The following SLIT2 variants were observed in gnomAD, a reference collection of about 807,000 sequenced individuals.
SLIT2 encodes the protein slit guidance ligand 2, also known as slit homolog 2 protein.
SLIT2 carries 41 observed loss-of-function variants against 185.7 expected under a neutral mutation model. The ratio of observed to expected loss-of-function variants is 0.22; its 90% confidence interval spans 0.17 to 0.29. The LOEUF (loss-of-function observed/expected upper bound fraction) is 0.29, where lower values mean the gene tolerates loss of function less well. SLIT2 is among the 10% of genes least tolerant of loss of function. The pLI is 1.00. For missense variants in SLIT2, 1,571 were observed against 1,909.0 expected (o/e 0.82, Z 3.30); for synonymous variants, 693 against 680.2 (o/e 1.02, Z -0.29).
chr4:20,361,653 T>A (rs531338072), intron 4 of SLIT2, among the ~76,000 whole-genome samples: 1 of 152,312 alleles, frequency 6.6e-6, no homozygotes, highest in South Asian at 2.1e-4. Context: ...ACTTTATACA[T>A]ATTGTTATAA....
intron 4 of SLIT2, among the ~76,000 whole-genome samples, chr4:20,454,313 T>C (rs952569510): frequency 6.6e-6 from 1 of 152,194 alleles, no homozygotes; most frequent in Non-Finnish European, 1.5e-5. Context: ...ATACTGTTAT[T>C]AGGATCTTCA....
At chr4:20,314,688 T>C (rs1718412329) in intron 4 of SLIT2, among the ~76,000 whole-genome samples, 1 of 152,142 alleles carries the variant, frequency 6.6e-6, no homozygotes, top group South Asian at 2.1e-4. Context: ...TTAGTTGTTT[T>C]TCATATGAAA....
intron 4 of SLIT2, among the ~76,000 whole-genome samples, chr4:20,428,393 T>C (rs1728715102): frequency 6.6e-6 from 1 of 152,190 alleles, no homozygotes; most frequent in African/African-American, 2.4e-5. Flanking sequence ...GAAAATACTA[T>C]CTTGACTCAT....
chr4:20,499,184 T>C (rs1001548098), intron 9 of SLIT2, among the ~76,000 whole-genome samples: 2 of 152,216 alleles, frequency 1.3e-5, no homozygotes, highest in African/African-American at 4.8e-5. Flanking sequence ...ATGTCTTCTT[T>C]TGAGAAATAC....
At chr4:20,342,518 A>T (rs1395324373) in intron 4 of SLIT2, among the ~76,000 whole-genome samples, 1 of 152,072 alleles carries the variant, frequency 6.6e-6, no homozygotes, top group Non-Finnish European at 1.5e-5. Context: ...GCTATTTCTA[A>T]ATCTGACTTT....
intron 3 of SLIT2, among the ~76,000 whole-genome samples, chr4:20,260,920 T>G (rs1712389217): frequency 7.7e-6 from 1 of 130,266 alleles, no homozygotes; most frequent in South Asian, 2.2e-4. Context: ...TTTTCTTTCT[T>G]CCTTACCTCT....
chr4:20,515,600 C>T (rs1577832061), intron 11 of SLIT2, among the ~76,000 whole-genome samples: 1 of 152,092 alleles, frequency 6.6e-6, no homozygotes, highest in Non-Finnish European at 1.5e-5. Context: ...AAGGTAGCAC[C>T]TCTGTTTTGT....
chr4:20,450,861 A>T (rs947735641), intron 4 of SLIT2, among the ~76,000 whole-genome samples: 1 of 152,188 alleles, frequency 6.6e-6, no homozygotes, highest in Non-Finnish European at 1.5e-5. Context: ...GTTAAGATCT[A>T]GTCGGTCCCA....
chr4:20,488,207 G>GT, intron 7 of SLIT2, among the ~76,000 whole-genome samples: 1 of 152,184 alleles, frequency 6.6e-6, no homozygotes, highest in East Asian at 1.9e-4. Context: ...TTTAATTTCA[G>GT]TCCCTGCTCT....
At chr4:20,377,524 CA>C (rs775345272) in intron 4 of SLIT2, among the ~76,000 whole-genome samples, 1 of 152,132 alleles carries the variant, frequency 6.6e-6, no homozygotes, top group African/African-American at 2.4e-5. Flanking sequence ...AAGAGCTGCT[CA>C]TACTCCATTT....
chr4:20,472,435 TAG>T lies in SLIT2; in HGVS notation c.467+4614_467+4615del, dbSNP rs371701972. On this transcript the variant is annotated intron_variant, in intron 5 of 36. Coordinates refer to ENST00000504154, the MANE Select transcript of SLIT2 (RefSeq NM_004787.4). ...ATATATCTATATATATAGATATCTA[TAG>T]ATATATATCTATATAGATATATCTA... 2.7e-5 allele frequency among the ~76,000 whole-genome samples: 2 copies of T among 73,202 alleles called. 1 individual carries two copies. Among genetic ancestry groups the T allele is most frequent in the Non-Finnish European group, 4.7e-5 (2 of 42,194 alleles). 48.0% of individuals were successfully genotyped at this position (73,202 alleles called of 152,430 possible). A position where few individuals can be genotyped will look rare whatever the true frequency, so the allele number is the denominator to read the frequency against.
At chr4:20,581,509 T>C (rs1444514378) in intron 29 of SLIT2, among the ~76,000 whole-genome samples, 1 of 152,134 alleles carries the variant, frequency 6.6e-6, no homozygotes, top group African/African-American at 2.4e-5. Flanking sequence ...CACCAAAAGG[T>C]AATTCCCAAT....
intron 5 of SLIT2, among the ~76,000 whole-genome samples, chr4:20,472,378 A>ATAGATATC (rs1560453592): frequency 1.5e-4 from 4 of 26,640 alleles, no homozygotes; most frequent in Admixed American, 7.3e-4. Context: ...ATCTATATCT[A>ATAGATATC]TATATATGTA....
rs374661023 is a variant in SLIT2 at position 20,609,994 on chromosome 4, A to AT, written c.3693-10dup. 2.8e-3 allele frequency: 4,334 copies of AT among 1,533,560 alleles called. 34 individuals carry two copies. The African/African-American group carries it at 0.035, about 12-fold the overall frequency. The allele number at this position is 1,533,560 out of a possible 1,614,324, so 95.0% of individuals were successfully genotyped here. A position where few individuals can be genotyped will look rare whatever the true frequency, so the allele number is the denominator to read the frequency against. ...TGAAAAGAAAATGGAAGAATCAGCC[A>AT]TTTTTTTTTCCGTTGTAGTGTGGAG... On this transcript the variant is annotated intron_variant, in intron 33 of 36. Transcript: ENST00000504154.
At chr4:20,289,562 T>C (rs1715606152) in intron 4 of SLIT2, among the ~76,000 whole-genome samples, 2 of 152,242 alleles carry the variant, frequency 1.3e-5, no homozygotes, top group South Asian at 2.1e-4. Context: ...ATTTTATAAA[T>C]TATATGCTCA....
rs1447619567 is a variant in SLIT2 at position 20,533,808 on chromosome 4, C to T, written c.1832+93C>T. On this transcript the variant is annotated intron_variant, in intron 18 of 36. Coordinates refer to ENST00000504154, the MANE Select transcript of SLIT2 (RefSeq NM_004787.4). ...TGGGAGAGAGAAACACCTACTTTTACCCACCCCACTCCCTCTATCTCTTTC... is the reference window on the plus strand; with the variant it reads ...TGGGAGAGAGAAACACCTACTTTTATCCACCCCACTCCCTCTATCTCTTTC... 2.9e-6 allele frequency: 3 copies of T among 1,036,264 alleles called. No homozygotes were observed. In the Admixed American group the frequency reaches 6.3e-5, roughly 22 times the overall value. 64.2% of individuals were successfully genotyped at this position (1,036,264 alleles called of 1,614,324 possible).
chr4:20,400,192 TA>T (rs1446452744), intron 4 of SLIT2, among the ~76,000 whole-genome samples: 1 of 151,832 alleles, frequency 6.6e-6, no homozygotes, highest in East Asian at 1.9e-4. Context: ...ATAAATCCTA[TA>T]AGTCTTATTA....
intron 4 of SLIT2, among the ~76,000 whole-genome samples, chr4:20,343,560 G>A (rs894111540): frequency 3.3e-5 from 5 of 151,760 alleles, no homozygotes; most frequent in African/African-American, 4.8e-5. Context: ...GGAGGGCACC[G>A]ACAGCATCAC....
chr4:20,340,639 C>G (rs1487955241), intron 4 of SLIT2, among the ~76,000 whole-genome samples: 1 of 152,038 alleles, frequency 6.6e-6, no homozygotes, highest in Non-Finnish European at 1.5e-5. Context: ...CTCGCTCTGT[C>G]CCCCGGGCTG....
Sources: allele counts gnomAD v4.1 joint callset (sites outside exome capture counted in the v4.1 genomes callset), GRCh38; gene constraint gnomAD v4.1.1; transcripts MANE v1.5; gene names NCBI Gene and HGNC (gene_info 2026-07-23, HGNC 2026-07-21).